The following NFIA variants were observed in gnomAD, a reference collection of about 807,000 sequenced individuals.
NFIA encodes nuclear factor 1 A-type.
In NFIA, 8 loss-of-function variants were observed where a neutral mutation model predicts 62.8. That is an observed-to-expected ratio of 0.13 (90% CI 0.07 to 0.23). The LOEUF (loss-of-function observed/expected upper bound fraction) is 0.23. NFIA is among the 10% of genes least tolerant of loss of function. The probability of loss-of-function intolerance (pLI) is 1.00; values close to 1 mark genes in which losing one functional copy is unlikely to be tolerated. For synonymous variants in NFIA, 235 were observed against 238.1 expected, an observed-to-expected ratio of 0.99 and a Z score of 0.12; for missense variants, 410 against 642.1, an observed-to-expected ratio of 0.64 and a Z score of 3.91.
intron 2 of NFIA, among the ~76,000 whole-genome samples, chr1:61,206,308 CA>C (rs1176878696): frequency 1.3e-5 from 2 of 152,226 alleles, no homozygotes; most frequent in East Asian, 3.9e-4. Context: ...TTTTTGCCAG[CA>C]CACTGAATCT....
intron 2 of NFIA, among the ~76,000 whole-genome samples, chr1:61,206,974 T>A (rs1409047024): frequency 1.3e-5 from 2 of 152,202 alleles, no homozygotes; most frequent in African/African-American, 4.8e-5. Flanking sequence ...TATCTTTCGA[T>A]GTATGTCTAG....
At chr1:61,298,552 G>A (rs1220774634) in intron 3 of NFIA, among the ~76,000 whole-genome samples, 1 of 152,076 alleles carries the variant, frequency 6.6e-6, no homozygotes, top group Non-Finnish European at 1.5e-5. Flanking sequence ...CAGAATGTTG[G>A]TAGAAAATGC....
intron 3 of NFIA, among the ~76,000 whole-genome samples, chr1:61,319,368 G>C (rs1370249950): frequency 6.6e-6 from 1 of 151,924 alleles, no homozygotes; most frequent in Non-Finnish European, 1.5e-5. Context: ...AAGAATGAAA[G>C]GAAAAAACTA....
chr1:61,350,574 T>C (rs185413082), intron 4 of NFIA, among the ~76,000 whole-genome samples: 1 of 152,212 alleles, frequency 6.6e-6, no homozygotes, highest in East Asian at 1.9e-4. Flanking sequence ...AGCTGGAGGC[T>C]ACAGTAAGCT....
At chr1:61,156,536 C>T (rs534556632) in intron 2 of NFIA, among the ~76,000 whole-genome samples, 6 of 152,184 alleles carry the variant, frequency 3.9e-5, no homozygotes, top group African/African-American at 1.2e-4. Flanking sequence ...TTTATTATAC[C>T]GGGTAGTTTA....
chr1:61,435,026 C>T (rs1461377367), intron 10 of NFIA, among the ~76,000 whole-genome samples: 1 of 152,152 alleles, frequency 6.6e-6, no homozygotes, highest in Non-Finnish European at 1.5e-5. Context: ...ATGCATGGAA[C>T]TTAGAAAACC....
intron 2 of NFIA, among the ~76,000 whole-genome samples, chr1:61,214,628 A>G (rs186921741): frequency 1.3e-5 from 2 of 152,266 alleles, no homozygotes; most frequent in Admixed American, 1.3e-4. Flanking sequence ...ATTTTCCCCA[A>G]ATCATTAAAC....
At position 61,272,012 on chromosome 1, in the gene NFIA, G is replaced by C. The variant is rs17121880; in HGVS notation, c.560-5508G>C. 9.5e-4 allele frequency among the ~76,000 whole-genome samples: 145 copies of C among 152,222 alleles called. 2 individuals are homozygous for C. The East Asian group carries it at 0.025, about 26-fold the overall frequency. On this transcript the variant is annotated intron_variant, in intron 2 of 10. Coordinates refer to ENST00000403491, the MANE Select transcript of NFIA (RefSeq NM_001134673.4). ...AATTTTCATTAAGCGGGCCACAGTT[G>C]TGTACATTAATTGACCTTAAATATT...
chr1:61,329,891 G>A (rs1397676485), intron 3 of NFIA, among the ~76,000 whole-genome samples: 1 of 152,178 alleles, frequency 6.6e-6, no homozygotes, highest in East Asian at 1.9e-4. Context: ...GCACAGTTAG[G>A]AGGCTTTCCC....
rs769368952 is a variant in NFIA at position 61,460,998 on chromosome 1, G to GTTTTGT, written c.*5695_*5700dup. 1.5e-4 allele frequency: 23 copies of GTTTTGT among 152,270 alleles called. No homozygotes were observed. The highest frequency in any genetic ancestry group is 6.8e-3 in the Middle Eastern group (2 of 294). The allele number at this position is 152,270 out of a possible 1,614,324, so 9.4% of individuals were successfully genotyped here. ...TTTACTTAAATTCAGTATTACTCGT[G>GTTTTGT]TTTTGTTTTTGTTTTTGTTTTTTGT... On this transcript the variant is annotated 3_prime_UTR_variant, in exon 11 of 11. Transcript: ENST00000403491.
intron 2 of NFIA, among the ~76,000 whole-genome samples, chr1:61,254,619 G>A (rs1374428387): frequency 1.3e-5 from 2 of 152,174 alleles, no homozygotes; most frequent in Non-Finnish European, 2.9e-5. Context: ...TACACATGAA[G>A]TATATTGCAT....
upstream of NFIA, chr1:61,077,657 T>C: frequency 5.0e-6 from 7 of 1,404,956 alleles, no homozygotes; most frequent in Non-Finnish European, 6.6e-6. Context: ...ACTTTCTATT[T>C]TGCATTTATA....
At chr1:61,355,937 C>T (rs1474382835) in intron 5 of NFIA, among the ~76,000 whole-genome samples, 3 of 152,078 alleles carry the variant, frequency 2.0e-5, no homozygotes, top group Non-Finnish European at 4.4e-5. Context: ...AGGCATCAAC[C>T]GATAGCTATA....
At chr1:61,082,096 T>C, upstream of NFIA, 1 of 1,506,386 alleles carries the variant, frequency 6.6e-7, no homozygotes, top group South Asian at 1.2e-5. Context: ...CGAGGAAAAG[T>C]AGTTTTGTTT....
intron 2 of NFIA, among the ~76,000 whole-genome samples, chr1:61,150,465 C>T (rs532551922): frequency 3.9e-5 from 6 of 152,202 alleles, no homozygotes; most frequent in South Asian, 2.1e-4. Flanking sequence ...TTTCATGGTA[C>T]GATACACCTG....
intron 10 of NFIA, among the ~76,000 whole-genome samples, chr1:61,429,258 C>A (rs1666997709): frequency 6.6e-6 from 1 of 152,304 alleles, no homozygotes; most frequent in Admixed American, 6.5e-5. Flanking sequence ...GTATGTGATG[C>A]ACCTAATCTT....
chr1:61,213,255 G>A (rs564402523), intron 2 of NFIA, among the ~76,000 whole-genome samples: 1 of 152,328 alleles, frequency 6.6e-6, no homozygotes, highest in African/African-American at 2.4e-5. Flanking sequence ...CTGGTGGGCA[G>A]TTGACAATTG....
At chr1:61,318,252 A>G (rs1193033698) in intron 3 of NFIA, among the ~76,000 whole-genome samples, 1 of 151,414 alleles carries the variant, frequency 6.6e-6, no homozygotes, top group Non-Finnish European at 1.5e-5. Flanking sequence ...GAGAAGGTGG[A>G]TAAATAAGTC....
At chr1:61,398,199 G>A (rs1430538379) in intron 7 of NFIA, among the ~76,000 whole-genome samples, 1 of 152,232 alleles carries the variant, frequency 6.6e-6, no homozygotes, top group Non-Finnish European at 1.5e-5. Flanking sequence ...TAGCAGCGGA[G>A]TTCAGCAGTT....
Sources: allele counts gnomAD v4.1 joint callset (sites outside exome capture counted in the v4.1 genomes callset), GRCh38; gene constraint gnomAD v4.1.1; transcripts MANE v1.5; gene names NCBI Gene and HGNC (gene_info 2026-07-23, HGNC 2026-07-21).